Variants in MINK1 observed in about 807,000 individuals in gnomAD.
MINK1 encodes the protein misshapen like kinase 1, also known as misshapen-like kinase 1.
Under a neutral mutation model 178.4 loss-of-function variants are expected in MINK1, and 46 were observed. The ratio of observed to expected loss-of-function variants is 0.26; its 90% CI spans 0.20 to 0.33. The LOEUF (loss-of-function observed/expected upper bound fraction) is 0.33. MINK1 is among the 10% of genes least tolerant of loss of function. The probability of loss-of-function intolerance (pLI) is 1.00; values close to 1 mark genes in which losing one functional copy is unlikely to be tolerated. For missense variants in MINK1, 1,366 were observed against 1,814.9 expected (o/e 0.75, Z 4.49); for synonymous variants, 797 against 709.7 (o/e 1.12, Z -1.96).
intron 1 of MINK1, chr17:4,857,288 G>T: frequency 4.9e-6 from 1 of 202,282 alleles, no homozygotes; most frequent in South Asian, 6.3e-5. Flanking sequence ...CCATGCCACA[G>T]GCAGCACCCA....
Position 4,833,664 on chromosome 17 carries a change from C to T in MINK1, c.57+24C>T. 1 of 1,480,622 alleles carries T rather than the reference C, an allele frequency of 6.8e-7. No homozygotes were observed. Among genetic ancestry groups the T allele is most frequent in the South Asian group, 1.3e-5 (1 of 78,820 alleles). 91.7% of individuals were successfully genotyped at this position (1,480,622 alleles called of 1,614,324 possible). A position where few individuals can be genotyped will look rare whatever the true frequency, so the allele number is the denominator to read the frequency against. ...GGGTGAGCGCGCCGTCCCCCAGCCT[C>T]GCCCTGGTTCCTGTCCCCGCCGCAG... On this transcript the variant is annotated intron_variant, in intron 1 of 31. Transcript: ENST00000355280. The surrounding 1 kb of genome is among the most constrained non-coding windows in gnomAD (Gnocchi z 4.8).
intron 1 of MINK1, chr17:4,851,031 C>T (rs745392509): frequency 8.7e-6 from 4 of 458,642 alleles, no homozygotes; most frequent in African/African-American, 2.0e-5. Context: ...ATCTGGTTTT[C>T]CTCCCTTCTG....
chr17:4,897,185 C>G lies in MINK1; in HGVS notation c.3916-19C>G. ...CCCCAACCTCAGCCCTTGGTGACTT[C>G]TTCTCCTGCCCCACCCAGGTGTTTT... is the stretch of plus-strand genomic sequence containing the variant. On this transcript the variant is annotated intron_variant, in intron 31 of 31. Coordinates refer to ENST00000355280, the MANE Select transcript of MINK1 (RefSeq NM_153827.5). The G allele has an allele frequency of 6.2e-7, 1 of 1,610,730 alleles. No homozygotes were observed. The highest frequency in any genetic ancestry group is 8.5e-7 in the Non-Finnish European group (1 of 1,178,044).
At position 4,891,019 on chromosome 17, in the gene MINK1, G is replaced by A. The variant is rs760699287; in HGVS notation, c.1635G>A (p.Thr545=). 6.4e-6 allele frequency: 10 copies of A among 1,559,292 alleles called. No individual in the cohort carries two copies. Among genetic ancestry groups the A allele is most frequent in the South Asian group, 2.4e-5 (2 of 84,442 alleles). The part of the protein sequence containing the change: ...SPLAKSKPGS[T]GPEPPIPQAS... Reference sequence around the variant, plus strand: ...TGGCCAAGAGCAAGCCAGGCAGCACGGGGCCTGAGCCCCCCATCCCCCAGG... The same window carrying A: ...TGGCCAAGAGCAAGCCAGGCAGCACAGGGCCTGAGCCCCCCATCCCCCAGG... The change falls in exon 15 of 32, where the codon ACG becomes ACA. Residue 545 remains threonine, a synonymous_variant. Transcript: ENST00000355280.
chr17:4,849,696 C>T (rs796862158), intron 1 of MINK1, among the ~76,000 whole-genome samples: 9 of 152,222 alleles, frequency 5.9e-5, no homozygotes, highest in South Asian at 2.1e-4. Context: ...CTCAGCCTCC[C>T]GAGTAGCTGG....
chr17:4,891,200 G>GCGCGCGCACA, intron 15 of MINK1, 76 bp downstream of exon 15: 2 of 1,003,382 alleles, frequency 2.0e-6, no homozygotes, highest in East Asian at 2.8e-5. Context: ...ACACACGCGC[G>GCGCGCGCACA]CACACACACA....
At chr17:4,854,644 C>A in intron 1 of MINK1, 1 of 434,000 alleles carries the variant, frequency 2.3e-6, no homozygotes, top group East Asian at 7.1e-5. Context: ...CCTTTCCTCC[C>A]ATCACATAAA....
At position 4,845,257 on chromosome 17, in the gene MINK1, A is replaced by G. The variant is rs140328559; in HGVS notation, c.57+11617A>G. Among the ~76,000 whole-genome samples the G allele has an allele frequency of 1.4e-3, 215 of 152,294 alleles. 1 individual carries two copies. Among genetic ancestry groups the G allele is most frequent in the African/African-American group, 5.0e-3 (209 of 41,556 alleles). ...AATGAAATGGCTGTCTGGAATCACA[A>G]GAGGATTGGGCAGCAGCAAGAGAAG... is the stretch of plus-strand genomic sequence containing the variant. On this transcript the variant is annotated intron_variant, in intron 1 of 31. Coordinates refer to ENST00000355280, the MANE Select transcript of MINK1 (RefSeq NM_153827.5).
At position 4,833,445 on chromosome 17, in the gene MINK1, T is replaced by A; in HGVS notation, c.-139T>A. ...GGTGGGTCGGTCCTCGCGCCGGCCC[T>A]CCCCCTCCCCGGTCTCCGGGGGAGG... is the stretch of plus-strand genomic sequence containing the variant. On this transcript the variant is annotated 5_prime_UTR_variant, in exon 1 of 32. Coordinates refer to ENST00000355280, the MANE Select transcript of MINK1 (RefSeq NM_153827.5). The surrounding 1 kb of genome is among the most constrained non-coding windows in gnomAD (Gnocchi z 4.8). 1 of 635,494 alleles carries A rather than the reference T, an allele frequency of 1.6e-6. No individual in the cohort carries two copies. Among genetic ancestry groups the A allele is most frequent in the Non-Finnish European group, 2.6e-6 (1 of 386,542 alleles). 39.4% of individuals were successfully genotyped at this position (635,494 alleles called of 1,614,324 possible). A position where few individuals can be genotyped will look rare whatever the true frequency, so the allele number is the denominator to read the frequency against.
intron 1 of MINK1, chr17:4,875,156 C>G: frequency 1.9e-6 from 1 of 520,070 alleles, no homozygotes; most frequent in Non-Finnish European, 3.8e-6. Context: ...GTAGGGAACT[C>G]TATGGTCTTT....
At chr17:4,893,762 G>T in intron 21 of MINK1, 165 bp downstream of exon 21, 1 of 1,120,506 alleles carries the variant, frequency 8.9e-7, no homozygotes, top group East Asian at 2.6e-5. Context: ...GCTGCCCTGT[G>T]TGTTGTGGGG....
chr17:4,847,365 C>G (rs1302309875), intron 1 of MINK1, among the ~76,000 whole-genome samples: 4 of 152,140 alleles, frequency 2.6e-5, no homozygotes. Context: ...CAGCCTCTAG[C>G]GTAGCTGAGA....
At chr17:4,861,078 C>T (rs1914096155) in intron 1 of MINK1, among the ~76,000 whole-genome samples, 1 of 152,122 alleles carries the variant, frequency 6.6e-6, no homozygotes, top group African/African-American at 2.4e-5. Flanking sequence ...CTTGCTCTGT[C>T]TGGCGTTGAA....
Position 4,894,089 on chromosome 17 carries a change from A to C in MINK1, c.2666A>C (p.Gln889Pro), listed in dbSNP as rs897343752. The change falls in exon 22 of 32, where the codon CAG (glutamine) becomes CCG (proline). Residue 889 changes from glutamine (Q) to proline (P), a missense_variant. Coordinates refer to ENST00000355280, the MANE Select transcript of MINK1 (RefSeq NM_153827.5). The surrounding 1 kb of genome is among the most constrained non-coding windows in gnomAD (Gnocchi z 4.1). ...TACGGGGGCGGCACCATGGTGGTCC[A>C]GCGCGTGAGTGAGCCTCTGCTCCCT... ...PPYGGGTMVV[Q>P]RTPEEERNLL... is the part of the protein sequence containing the mutation. 8 of 1,592,050 alleles carry C rather than the reference A, an allele frequency of 5.0e-6. No homozygotes were observed. Among genetic ancestry groups the C allele is most frequent in the Non-Finnish European group, 6.9e-6 (8 of 1,167,628 alleles).
chr17:4,847,044 A>G (rs1911143594), intron 1 of MINK1: 8 of 392,386 alleles, frequency 2.0e-5, no homozygotes, highest in Non-Finnish European at 4.1e-5. Flanking sequence ...CATACCTGCT[A>G]CTGCCCGGAT....
At chr17:4,888,110 G>A (rs377245525) in intron 12 of MINK1, among the ~76,000 whole-genome samples, 153 of 151,838 alleles carry the variant, frequency 1.0e-3, no homozygotes, top group Middle Eastern at 3.4e-3. Context: ...CAGCTACTCC[G>A]GAGGCTGAGG....
At chr17:4,834,946 C>G in intron 1 of MINK1, 1 of 457,254 alleles carries the variant, frequency 2.2e-6, no homozygotes, top group South Asian at 1.5e-5. Flanking sequence ...TTGGGTTTCT[C>G]TAGGTGACAC....
chr17:4,883,946 TAC>T (rs922393609), intron 4 of MINK1, among the ~76,000 whole-genome samples: 1 of 152,054 alleles, frequency 6.6e-6, no homozygotes, highest in Non-Finnish European at 1.5e-5. Flanking sequence ...TCATTTTGTT[TAC>T]AGTTTCAGGG....
At chr17:4,872,926 CT>C (rs1283162981) in intron 1 of MINK1, among the ~76,000 whole-genome samples, 1 of 152,216 alleles carries the variant, frequency 6.6e-6, no homozygotes, top group Non-Finnish European at 1.5e-5. Flanking sequence ...CAAGGTTAGA[CT>C]TCTCCAGAAA....
Sources: allele counts gnomAD v4.1 joint callset (sites outside exome capture counted in the v4.1 genomes callset), GRCh38; gene constraint gnomAD v4.1.1; non-coding constraint Gnocchi (gnomAD v3.1); transcripts MANE v1.5; gene names NCBI Gene and HGNC (gene_info 2026-07-23, HGNC 2026-07-21).